PDGFRL: variants seen among roughly 807,000 people sequenced by gnomAD.
The protein encoded by PDGFRL is platelet derived growth factor receptor like.
Under a neutral mutation model 37.2 loss-of-function variants are expected in PDGFRL, and 46 were observed. That is an observed-to-expected ratio of 1.24 (90% CI 0.98 to 1.58). The LOEUF (loss-of-function observed/expected upper bound fraction) is 1.58, where lower values mean the gene tolerates loss of function less well. PDGFRL is among the 40% of genes most tolerant of loss of function. The pLI is 0.00. For missense variants in PDGFRL, 692 were observed against 467.6 expected (o/e 1.48, Z -4.43); for synonymous variants, 251 against 184.3 (o/e 1.36, Z -2.93).
At chr8:17,623,561 G>C (rs1804675823) in intron 3 of PDGFRL, among the ~76,000 whole-genome samples, 1 of 152,092 alleles carries the variant, frequency 6.6e-6, no homozygotes, top group Admixed American at 6.6e-5. Flanking sequence ...GGCTTAGCTT[G>C]GGCAGAATAT....
At chr8:17,597,340 A>G (rs372114562) in intron 2 of PDGFRL, among the ~76,000 whole-genome samples, 6 of 152,192 alleles carry the variant, frequency 3.9e-5, no homozygotes, top group Admixed American at 3.9e-4. Context: ...AGTTATAACC[A>G]ATATTGTTGG....
chr8:17,579,295 C>G (rs943146787), intron 1 of PDGFRL, among the ~76,000 whole-genome samples: 1 of 151,984 alleles, frequency 6.6e-6, no homozygotes, highest in Admixed American at 6.5e-5. Context: ...GTTATGTAAC[C>G]GTTTGGCTAA....
At chr8:17,610,830 G>A (rs1047898719) in intron 2 of PDGFRL, among the ~76,000 whole-genome samples, 2 of 152,114 alleles carry the variant, frequency 1.3e-5, no homozygotes, top group African/African-American at 4.8e-5. Flanking sequence ...AGATTCCCTT[G>A]AACCCAGGAG....
chr8:17,632,662 A>G (rs557150959), intron 4 of PDGFRL, among the ~76,000 whole-genome samples: 1 of 152,264 alleles, frequency 6.6e-6, no homozygotes, highest in South Asian at 2.1e-4. Flanking sequence ...ACCAATCAGT[A>G]GGTTCCCACT....
At chr8:17,621,375 C>T (rs561822872) in intron 3 of PDGFRL, among the ~76,000 whole-genome samples, 173 bp downstream of exon 3, 30 of 151,854 alleles carry the variant, frequency 2.0e-4, no homozygotes, top group African/African-American at 6.8e-4. Context: ...CTTACCGTAA[C>T]CCTTCAGGGC....
At chr8:17,596,830 C>T (rs532374349) in intron 2 of PDGFRL, among the ~76,000 whole-genome samples, 19 of 152,180 alleles carry the variant, frequency 1.2e-4, no homozygotes, top group Admixed American at 3.3e-4. Context: ...CAAGGGGGCA[C>T]GATGTATTTC....
chr8:17,636,669 G>T (rs762184495), intron 5 of PDGFRL, among the ~76,000 whole-genome samples: 17 of 151,788 alleles, frequency 1.1e-4, no homozygotes, highest in Non-Finnish European at 2.4e-4. Flanking sequence ...GTGGTGTTTT[G>T]GTGGGAATTG....
Position 17,621,118 on chromosome 8 carries a change from T to C in PDGFRL, c.421T>C (p.Phe141Leu), listed in dbSNP as rs1333358947. 1 of 1,611,910 alleles carries C rather than the reference T, an allele frequency of 6.2e-7. No individual in the cohort carries two copies. Among genetic ancestry groups the C allele is most frequent in the African/African-American group, 1.3e-5 (1 of 74,854 alleles). Residue 141 changes from phenylalanine to leucine, a missense_variant, in exon 3 of 6, where the codon TTC (phenylalanine) becomes CTC (leucine). Coordinates refer to ENST00000251630, the MANE Select transcript of PDGFRL (RefSeq NM_001372073.1). ...CTCCACCTCGGCAGACACAGGTGAA[T>C]TCAGCTGCTGGGTGCAGCTCTGCAG... ...VNSTSADTGE[F>L]SCWVQLCSGY...
chr8:17,577,445 G>T (rs923087461), intron 1 of PDGFRL, 138 bp downstream of exon 1: 7 of 728,132 alleles, frequency 9.6e-6, no homozygotes, highest in Admixed American at 8.1e-5. Context: ...CTGCCTGCCC[G>T]GTGCACCTGC....
chr8:17,617,134 C>T (rs190710467), intron 2 of PDGFRL, among the ~76,000 whole-genome samples: 1 of 152,296 alleles, frequency 6.6e-6, no homozygotes, highest in East Asian at 1.9e-4. Context: ...CACACATACA[C>T]ATACACGGGG....
intron 2 of PDGFRL, among the ~76,000 whole-genome samples, chr8:17,615,545 C>A (rs1445772168): frequency 6.6e-6 from 1 of 152,138 alleles, no homozygotes; most frequent in South Asian, 2.1e-4. Context: ...TGCCCTCAAG[C>A]AGTAAAAGGG....
chr8:17,601,270 A>T (rs185243955), intron 2 of PDGFRL, among the ~76,000 whole-genome samples: 1 of 152,300 alleles, frequency 6.6e-6, no homozygotes, highest in East Asian at 1.9e-4. Context: ...CACCCAGCAC[A>T]GTCTCCAGCA....
chr8:17,628,422 C>T (rs186834345), intron 3 of PDGFRL, 65 bp from the exon 4 acceptor site: 1 of 1,328,726 alleles, frequency 7.5e-7, no homozygotes, highest in Non-Finnish European at 1.1e-6. Flanking sequence ...CTGCCAAAAT[C>T]CTTAAGGGTG....
chr8:17,583,519 G>A lies in PDGFRL; in HGVS notation c.56-5949G>A, dbSNP rs1471154363. Among the ~76,000 whole-genome samples, 7 of 152,286 alleles carry A rather than the reference G, an allele frequency of 4.6e-5. No homozygotes were observed. The East Asian group carries it at 5.8e-4, about 13-fold the overall frequency. On this transcript the variant is annotated intron_variant, in intron 1 of 5. Transcript: ENST00000251630. ...TAAGATTTCGGGGACTATTGGGAAA[G>A]GATGCTTGTAATTTGCAGTATTTGA...
At chr8:17,598,683 T>G (rs1804103321) in intron 2 of PDGFRL, among the ~76,000 whole-genome samples, 1 of 152,328 alleles carries the variant, frequency 6.6e-6, no homozygotes, top group East Asian at 1.9e-4. Context: ...GAGCCTGATA[T>G]GGTTTGGCTG....
chr8:17,614,316 T>G (rs1463338577), intron 2 of PDGFRL, among the ~76,000 whole-genome samples: 1 of 152,146 alleles, frequency 6.6e-6, no homozygotes, highest in Non-Finnish European at 1.5e-5. Context: ...AGTTTCAGTA[T>G]GTTTTACCCA....
chr8:17,634,060 G>T lies in PDGFRL; in HGVS notation c.800-14G>T. 1 of 1,613,692 alleles carries T rather than the reference G, an allele frequency of 6.2e-7. No homozygotes were observed. The highest frequency in any genetic ancestry group is 1.6e-4 in the Middle Eastern group (1 of 6,062). On this transcript the variant is annotated splice_polypyrimidine_tract_variant and intron_variant, in intron 4 of 5. Transcript: ENST00000251630. ...CTCGGGGTCTCACTCTGCCTGTTTC[G>T]TGCTTGCTTCCAGTTCCCAGTGGCC...
chr8:17,625,541 A>C (rs1349691547), intron 3 of PDGFRL, among the ~76,000 whole-genome samples: 2 of 152,168 alleles, frequency 1.3e-5, no homozygotes, highest in Non-Finnish European at 2.9e-5. Context: ...ATACATTTGC[A>C]GGGGACATGT....
intron 5 of PDGFRL, among the ~76,000 whole-genome samples, chr8:17,638,882 C>G (rs181169623): frequency 4.0e-5 from 6 of 149,804 alleles, no homozygotes; most frequent in Non-Finnish European, 8.9e-5. Context: ...TTTGTTCTGT[C>G]TGATATAAGA....
Sources: gnomAD v4.1 joint callset for allele counts (sites outside exome capture counted in the v4.1 genomes callset) on GRCh38, gnomAD v4.1.1 for gene constraint, MANE v1.5 for transcripts, NCBI Gene and HGNC (gene_info 2026-07-23, HGNC 2026-07-21) for gene names.